CLNK: variants seen among roughly 807,000 people sequenced by gnomAD.
CLNK encodes cytokine-dependent hematopoietic cell linker.
CLNK carries 74 observed loss-of-function variants against 68.6 expected under a neutral mutation model. That is an observed-to-expected ratio of 1.08 (90% CI 0.89 to 1.31). The LOEUF (loss-of-function observed/expected upper bound fraction) is 1.31. Among genes scored for constraint, CLNK ranks in the 50% most tolerant of loss-of-function variants. The pLI is 0.00. For missense variants in CLNK, 553 were observed against 515.3 expected (o/e 1.07, Z -0.71); for synonymous variants, 198 against 172.2 (o/e 1.15, Z -1.17).
chr4:10,712,564 T>C, the CLNK span, among the ~76,000 whole-genome samples: 1 of 152,194 alleles, frequency 6.6e-6, no homozygotes, highest in Non-Finnish European at 1.5e-5. Flanking sequence ...ATAGCCTGTA[T>C]AGCATTAATG....
At chr4:10,685,968 C>A (rs545199872), upstream of CLNK, among the ~76,000 whole-genome samples, 1 of 152,214 alleles carries the variant, frequency 6.6e-6, no homozygotes, top group Admixed American at 6.5e-5. Flanking sequence ...GGTCTGGACC[C>A]ATATTAATTT....
intron 2 of CLNK, among the ~76,000 whole-genome samples, chr4:10,650,622 A>G (rs1296877013): frequency 2.0e-5 from 3 of 152,188 alleles, no homozygotes; most frequent in Non-Finnish European, 4.4e-5. Context: ...ATCTGAAATT[A>G]TATGTCTAAT....
At chr4:10,615,452 G>A (rs1288610731) in intron 2 of CLNK, among the ~76,000 whole-genome samples, 2 of 152,152 alleles carry the variant, frequency 1.3e-5, no homozygotes, top group African/African-American at 4.8e-5. Context: ...GGGAGGCGGA[G>A]GTTGCAGTAA....
intron 2 of CLNK, among the ~76,000 whole-genome samples, chr4:10,641,375 T>C (rs1459136525): frequency 1.3e-5 from 2 of 152,168 alleles, no homozygotes; most frequent in Non-Finnish European, 2.9e-5. Flanking sequence ...AATCTGGGTC[T>C]GCACTAAGGA....
intron 1 of CLNK, among the ~76,000 whole-genome samples, chr4:10,668,581 G>A (rs1184541881): frequency 6.6e-6 from 1 of 152,266 alleles, no homozygotes; most frequent in East Asian, 1.9e-4. Flanking sequence ...TTAATAAAGA[G>A]ACCATTTAAA....
chr4:10,609,138 G>C (rs1433135578), intron 2 of CLNK, among the ~76,000 whole-genome samples: 1 of 152,218 alleles, frequency 6.6e-6, no homozygotes, highest in Non-Finnish European at 1.5e-5. Context: ...ACAGCCAAGT[G>C]AGTGGGAACC....
At chr4:10,669,348 C>T (rs1032837904) in intron 1 of CLNK, among the ~76,000 whole-genome samples, 7 of 152,222 alleles carry the variant, frequency 4.6e-5, no homozygotes, top group Admixed American at 3.9e-4. Flanking sequence ...AATCCTAACT[C>T]TGTCTTGGAG....
the CLNK span, among the ~76,000 whole-genome samples, chr4:10,725,699 C>T: frequency 6.6e-6 from 1 of 151,928 alleles, no homozygotes; most frequent in Non-Finnish European, 1.5e-5. Flanking sequence ...TAAAAAAGTA[C>T]AAAAAATTAG....
chr4:10,650,408 C>T (rs139391362), intron 2 of CLNK, among the ~76,000 whole-genome samples: 206 of 152,000 alleles, frequency 1.4e-3, no homozygotes, highest in African/African-American at 4.5e-3. Context: ...TCCAACGTAT[C>T]CAAAGCAGGT....
chr4:10,543,399 C>T (rs929853048), intron 8 of CLNK, among the ~76,000 whole-genome samples: 2 of 152,094 alleles, frequency 1.3e-5, no homozygotes, highest in African/African-American at 2.4e-5. Flanking sequence ...CACTGAACAC[C>T]GGCTGGGTGG....
chr4:10,582,434 C>G (rs1253275472), intron 4 of CLNK, among the ~76,000 whole-genome samples: 2 of 152,124 alleles, frequency 1.3e-5, no homozygotes, highest in Admixed American at 1.3e-4. Context: ...TCTTTTAAAT[C>G]AAATCAGCTA....
chr4:10,714,683 GGTGTGTGTGT>G, the CLNK span, among the ~76,000 whole-genome samples: 3 of 148,636 alleles, frequency 2.0e-5, no homozygotes, highest in East Asian at 2.0e-4. Context: ...CATTCATTGT[GGTGTGTGTGT>G]GTGTGTGTGT....
chr4:10,579,247 A>G (rs1720691515), intron 4 of CLNK, among the ~76,000 whole-genome samples: 1 of 152,212 alleles, frequency 6.6e-6, no homozygotes, highest in African/African-American at 2.4e-5. Context: ...TCAGTTTGGC[A>G]TCGATCTATA....
chr4:10,598,200 C>A (rs1212190538), intron 2 of CLNK, 151 bp from the exon 3 acceptor site: 2 of 612,360 alleles, frequency 3.3e-6, no homozygotes, highest in East Asian at 5.6e-5. Context: ...TGCATTACCA[C>A]TAGGGTTAAA....
the CLNK span, among the ~76,000 whole-genome samples, chr4:10,716,387 GA>G: frequency 6.6e-6 from 1 of 152,152 alleles, no homozygotes; most frequent in Admixed American, 6.5e-5. Context: ...AGACAGAGTA[GA>G]TGTACTTTTA....
chr4:10,494,139 A>G (rs1295798034), intron 18 of CLNK, among the ~76,000 whole-genome samples: 1 of 152,238 alleles, frequency 6.6e-6, no homozygotes, highest in Non-Finnish European at 1.5e-5. Flanking sequence ...CCAAGCACAA[A>G]GTTTTCTTTC....
rs80307365 is a variant in CLNK at position 10,658,730 on chromosome 4, A to G, written c.11+9129T>C. Among the ~76,000 whole-genome samples the G allele has an allele frequency of 2.0e-5, 3 of 152,312 alleles. 1 individual carries two copies. The East Asian group carries it at 5.8e-4, about 29-fold the overall frequency. On this transcript the variant is annotated intron_variant, in intron 2 of 18. Coordinates refer to ENST00000226951, the MANE Select transcript of CLNK (RefSeq NM_052964.4). ...AGAGCTGGCCAGACTGTTAAAGACT[A>G]TGCACGGACCCGACACAGTGTCCCT...
intron 5 of CLNK, among the ~76,000 whole-genome samples, chr4:10,567,731 G>A (rs1351053990): frequency 2.0e-5 from 3 of 152,152 alleles, no homozygotes; most frequent in Non-Finnish European, 4.4e-5. Context: ...AATGATCTAA[G>A]GATAAATAAC....
chr4:10,629,824 C>A lies in CLNK; in HGVS notation c.12-31775G>T, dbSNP rs377222923. Reference sequence around the variant, plus strand: ...CATGCTGGCTAATCACTGGGAAATTCTTTTATAAACAGCCACAGTCTCTCT... The same window carrying A: ...CATGCTGGCTAATCACTGGGAAATTATTTTATAAACAGCCACAGTCTCTCT... On this transcript the variant is annotated intron_variant, in intron 2 of 18. Coordinates refer to ENST00000226951, the MANE Select transcript of CLNK (RefSeq NM_052964.4). Among the ~76,000 whole-genome samples the A allele has an allele frequency of 2.0e-3, 301 of 152,262 alleles. 1 individual carries two copies. Among genetic ancestry groups the A allele is most frequent in the African/African-American group, 6.9e-3 (285 of 41,562 alleles).
Sources: gnomAD v4.1 joint callset for allele counts (sites outside exome capture counted in the v4.1 genomes callset) on GRCh38, gnomAD v4.1.1 for gene constraint, MANE v1.5 for transcripts, NCBI Gene and HGNC (gene_info 2026-07-23, HGNC 2026-07-21) for gene names.